CDC27: variants seen among roughly 807,000 people sequenced by gnomAD.
CDC27 encodes the protein cell division cycle 27, also known as cell division cycle protein 27 homolog.
A neutral mutation model predicts 109.7 loss-of-function variants in CDC27; 27 were observed. The ratio of observed to expected loss-of-function variants is 0.25; its 90% CI spans 0.18 to 0.34. The LOEUF is 0.34. Ranked by LOEUF, CDC27 falls within the 10% of genes least tolerant of loss-of-function variation. The probability of loss-of-function intolerance (pLI) is 1.00; values close to 1 mark genes in which losing one functional copy is unlikely to be tolerated. For missense variants in CDC27, 579 were observed against 960.2 expected, an observed-to-expected ratio of 0.60 and a Z score of 5.25; for synonymous variants, 266 against 333.9, an observed-to-expected ratio of 0.80 and a Z score of 2.22.
intron 14 of CDC27, among the ~76,000 whole-genome samples, chr17:47,136,459 T>G (rs761628986): frequency 6.6e-6 from 1 of 152,172 alleles, no homozygotes; most frequent in Non-Finnish European, 1.5e-5. Context: ...ACCACAGAGT[T>G]ATGGCTTCAG....
At chr17:47,125,051 G>C (rs1033878963) in intron 16 of CDC27, among the ~76,000 whole-genome samples, 1 of 151,536 alleles carries the variant, frequency 6.6e-6, no homozygotes, top group Non-Finnish European at 1.5e-5. Flanking sequence ...TCGAGTAGCT[G>C]GGATTACAGG....
chr17:47,146,362 T>C (rs999202833), intron 9 of CDC27, among the ~76,000 whole-genome samples: 1 of 152,238 alleles, frequency 6.6e-6, no homozygotes, highest in African/African-American at 2.4e-5. Context: ...CAGACAGTTC[T>C]TGTTGGGGAC....
intron 4 of CDC27, among the ~76,000 whole-genome samples, chr17:47,165,295 C>T (rs1215622225): frequency 6.6e-6 from 1 of 152,194 alleles, no homozygotes; most frequent in African/African-American, 2.4e-5. Context: ...TATCACCTTA[C>T]ATTCCCACCA....
chr17:47,129,655 C>A, intron 15 of CDC27, 134 bp from the exon 16 acceptor site: 1 of 491,256 alleles, frequency 2.0e-6, no homozygotes. Flanking sequence ...TTGTCCACTG[C>A]ATTAAGTGGA....
At chr17:47,126,532 T>C (rs1485639340) in intron 16 of CDC27, among the ~76,000 whole-genome samples, 2 of 152,140 alleles carry the variant, frequency 1.3e-5, no homozygotes, top group Non-Finnish European at 2.9e-5. Context: ...CCCACAAAAA[T>C]GGCTATCACT....
intron 9 of CDC27, among the ~76,000 whole-genome samples, chr17:47,146,156 T>C (rs1263937691): frequency 6.6e-6 from 1 of 152,226 alleles, no homozygotes; most frequent in Non-Finnish European, 1.5e-5. Context: ...GACCCTCCCA[T>C]ATCTAATCCT....
intron 7 of CDC27, among the ~76,000 whole-genome samples, chr17:47,156,431 C>A (rs2148913922): frequency 6.6e-6 from 1 of 151,650 alleles, no homozygotes; most frequent in Middle Eastern, 3.5e-3. Flanking sequence ...AGCCACTGCG[C>A]CTGGCCAGTC....
chr17:47,178,872 G>A (rs1284366262), intron 2 of CDC27, among the ~76,000 whole-genome samples: 4 of 151,704 alleles, frequency 2.6e-5, no homozygotes, highest in South Asian at 4.2e-4. Flanking sequence ...GTGTAATCTC[G>A]GCTCACCGCA....
intron 5 of CDC27, 103 bp from the exon 6 acceptor site, chr17:47,157,487 A>G: frequency 1.3e-6 from 1 of 784,682 alleles, no homozygotes; most frequent in Non-Finnish European, 2.0e-6. Flanking sequence ...GCCTTATCCA[A>G]ACTTTAAAAA....
chr17:47,139,768 T>C (rs1015416297), intron 12 of CDC27: 6 of 152,212 alleles, frequency 3.9e-5, no homozygotes, highest in Admixed American at 3.3e-4. Context: ...TCATAGGCCC[T>C]ACCTATTAAT....
intron 16 of CDC27, among the ~76,000 whole-genome samples, chr17:47,124,288 C>CTATCTATCTATTT (rs1420162389): frequency 3.1e-4 from 17 of 55,234 alleles, no homozygotes; most frequent in Non-Finnish European, 6.4e-4. Context: ...TCTATCTATT[C>CTATCTATCTATTT]ATTTTTATTT....
chr17:47,181,982 T>G (rs1487199427), intron 1 of CDC27, among the ~76,000 whole-genome samples: 1 of 152,226 alleles, frequency 6.6e-6, no homozygotes, highest in Non-Finnish European at 1.5e-5. Flanking sequence ...CCATAAAGCT[T>G]TCCTGGCTGA....
chr17:47,123,954 A>G lies in CDC27; in HGVS notation c.2167T>C (p.Leu723=). The change falls in exon 17 of 19, where the codon TTA becomes CTA. Residue 723 remains leucine, a synonymous_variant. Transcript: ENST00000066544. ...LFANEKYKSA[L]QELEELKQIV... ...TGTTTCAATTCTTCAAGTTCTTGTA[A>G]AGCAGACTGAAAAAGGCAAAGAAAA... is the stretch of plus-strand genomic sequence containing the variant. 1.3e-6 allele frequency: 2 copies of G among 1,592,976 alleles called. No individual in the cohort carries two copies. The highest frequency in any genetic ancestry group is 2.3e-5 in the South Asian group (2 of 86,214).
At chr17:47,134,665 G>A (rs1273679821) in intron 14 of CDC27, among the ~76,000 whole-genome samples, 1 of 151,958 alleles carries the variant, frequency 6.6e-6, no homozygotes, top group South Asian at 2.1e-4. Context: ...TAGTAGAGGC[G>A]GGGTTTCACC....
rs537232547 is a variant in CDC27, at chr17:47,145,856, C to A, written c.1071-1874G>T. 5.9e-5 allele frequency among the ~76,000 whole-genome samples: 9 copies of A among 151,728 alleles called. No individual in the cohort carries two copies. The East Asian group carries it at 1.7e-3, about 29-fold the overall frequency. ...AGGTTGCAGTGAGCCAAGATCGTGCCATTGCATTGCAGCCTGGGCGACAAC... is the reference window on the plus strand; with the variant it reads ...AGGTTGCAGTGAGCCAAGATCGTGCAATTGCATTGCAGCCTGGGCGACAAC... On this transcript the variant is annotated intron_variant, in intron 9 of 18. Coordinates refer to ENST00000066544, the MANE Select transcript of CDC27 (RefSeq NM_001256.6).
chr17:47,140,191 C>T (rs957989325), intron 12 of CDC27, among the ~76,000 whole-genome samples: 3 of 152,128 alleles, frequency 2.0e-5, no homozygotes, highest in Non-Finnish European at 2.9e-5. Context: ...GGTAAGTGTG[C>T]AGCCTTGACC....
chr17:47,136,331 A>T (rs942530802), intron 14 of CDC27, among the ~76,000 whole-genome samples: 1 of 152,216 alleles, frequency 6.6e-6, no homozygotes, highest in Admixed American at 6.5e-5. Flanking sequence ...CATTAACAAC[A>T]TATTCACAAA....
At chr17:47,138,921 C>G in intron 12 of CDC27, 30 bp from the exon 13 acceptor site, 1 of 1,422,042 alleles carries the variant, frequency 7.0e-7, no homozygotes, top group South Asian at 1.3e-5. Flanking sequence ...TAAGAGAAAA[C>G]AAGTTGATAC....
At chr17:47,176,720 G>A (rs2064027075) in intron 2 of CDC27, among the ~76,000 whole-genome samples, 1 of 152,138 alleles carries the variant, frequency 6.6e-6, no homozygotes, top group African/African-American at 2.4e-5. Context: ...CGGGAGATAA[G>A]GAAAATTCAG....
Sources: allele counts gnomAD v4.1 joint callset (sites outside exome capture counted in the v4.1 genomes callset), GRCh38; gene constraint gnomAD v4.1.1; transcripts MANE v1.5; gene names NCBI Gene and HGNC (gene_info 2026-07-23, HGNC 2026-07-21).